The following BCL2L13 variants were observed in gnomAD, a reference collection of about 807,000 sequenced individuals.
BCL2L13 encodes BCL2 like 13, also known as bcl-2-like protein 13.
Under a neutral mutation model 25.8 loss-of-function variants are expected in BCL2L13, and 13 were observed. The observed-to-expected ratio is 0.50, with a 90% confidence interval of 0.33 to 0.80. BCL2L13 has a LOEUF of 0.80. BCL2L13 is among the 30% of genes least tolerant of loss of function. The pLI is 0.02. For synonymous variants in BCL2L13, 244 were observed against 230.3 expected (o/e 1.06, Z -0.54); for missense variants, 504 against 574.9 (o/e 0.88, Z 1.26).
chr22:17,694,241 T>C (rs1353888629), intron 4 of BCL2L13, among the ~76,000 whole-genome samples: 1 of 152,172 alleles, frequency 6.6e-6, no homozygotes, highest in East Asian at 1.9e-4. Flanking sequence ...AAACCGTGCT[T>C]TAAATAAAGT....
chr22:17,675,286 C>T (rs2059546428), intron 2 of BCL2L13, among the ~76,000 whole-genome samples: 1 of 152,098 alleles, frequency 6.6e-6, no homozygotes, highest in African/African-American at 2.4e-5. Flanking sequence ...CGCGGTGGCT[C>T]ACTCCTGTAA....
At chr22:17,706,837 A>T in intron 6 of BCL2L13, 3 of 1,351,832 alleles carry the variant, frequency 2.2e-6, no homozygotes, top group Non-Finnish European at 2.9e-6. Context: ...TAAGGCTTGT[A>T]TTTTACTTTC....
chr22:17,713,469 T>TTG (rs1198613205), intron 6 of BCL2L13, among the ~76,000 whole-genome samples: 1 of 150,668 alleles, frequency 6.6e-6, no homozygotes, highest in East Asian at 2.0e-4. Flanking sequence ...CATTTTTTTT[T>TTG]TTTTTTTTTG....
intron 6 of BCL2L13, among the ~76,000 whole-genome samples, chr22:17,723,926 C>T (rs1438702342): frequency 4.3e-5 from 6 of 140,784 alleles, no homozygotes; most frequent in Admixed American, 7.0e-5. Context: ...AGTGAGACTC[C>T]GTCTCAAAAA....
intron 2 of BCL2L13, among the ~76,000 whole-genome samples, chr22:17,667,846 A>G (rs1295104636): frequency 2.6e-5 from 4 of 151,924 alleles, no homozygotes; most frequent in African/African-American, 9.7e-5. Context: ...CCAGATTCTT[A>G]TCAGATACAT....
chr22:17,723,801 C>T (rs1240124204), intron 6 of BCL2L13, among the ~76,000 whole-genome samples: 3 of 151,868 alleles, frequency 2.0e-5, no homozygotes, highest in East Asian at 3.9e-4. Flanking sequence ...GGCATGGTGG[C>T]GTGCACCTGT....
At chr22:17,722,258 T>C (rs1313994117) in intron 6 of BCL2L13, among the ~76,000 whole-genome samples, 2 of 152,094 alleles carry the variant, frequency 1.3e-5, no homozygotes, top group Non-Finnish European at 2.9e-5. Flanking sequence ...AGACAAGATC[T>C]TGCTCTGTCA....
chr22:17,696,922 G>C (rs748624588), intron 5 of BCL2L13, among the ~76,000 whole-genome samples: 20 of 152,140 alleles, frequency 1.3e-4, no homozygotes, highest in South Asian at 2.1e-4. Flanking sequence ...AGTGCAGTGT[G>C]AGAAAGAAGG....
At chr22:17,643,524 T>TA (rs560157433) in intron 1 of BCL2L13, among the ~76,000 whole-genome samples, 3 of 152,220 alleles carry the variant, frequency 2.0e-5, no homozygotes, top group Non-Finnish European at 2.9e-5. Context: ...TTGTGGAACT[T>TA]AAAAAAAATT....
At chr22:17,713,396 T>C (rs944802710) in intron 6 of BCL2L13, among the ~76,000 whole-genome samples, 2 of 151,506 alleles carry the variant, frequency 1.3e-5, no homozygotes, top group African/African-American at 4.9e-5. Flanking sequence ...TTGTAGAATA[T>C]AGAGCCCATC....
At chr22:17,679,334 A>T (rs1309485827) in intron 2 of BCL2L13, among the ~76,000 whole-genome samples, 1 of 131,442 alleles carries the variant, frequency 7.6e-6, no homozygotes, top group Non-Finnish European at 1.5e-5. Flanking sequence ...CAATGGTGCG[A>T]TCTCTGCTCA....
intron 1 of BCL2L13, among the ~76,000 whole-genome samples, chr22:17,651,289 C>T (rs998164998): frequency 4.6e-5 from 7 of 151,906 alleles, no homozygotes; most frequent in African/African-American, 1.5e-4. Flanking sequence ...TGAGCCATGG[C>T]GCTGGGCCAT....
At chr22:17,688,575 C>T (rs977557001) in intron 3 of BCL2L13, among the ~76,000 whole-genome samples, 7 of 152,050 alleles carry the variant, frequency 4.6e-5, no homozygotes, top group Admixed American at 2.6e-4. Context: ...TTTCTTTTCT[C>T]TTAAATCTAA....
At chr22:17,726,642 ATTC>A in intron 6 of BCL2L13, 32 bp from the exon 7 acceptor site, 1 of 1,579,828 alleles carries the variant, frequency 6.3e-7, no homozygotes, top group Non-Finnish European at 8.6e-7. Context: ...AATAGTTACC[ATTC>A]TTTATTATTG....
chr22:17,700,083 G>T (rs1001144136), intron 5 of BCL2L13, among the ~76,000 whole-genome samples: 4 of 151,872 alleles, frequency 2.6e-5, no homozygotes, highest in Admixed American at 6.6e-5. Context: ...ATTACCAACC[G>T]CATAGAAAAT....
intron 2 of BCL2L13, among the ~76,000 whole-genome samples, chr22:17,671,495 C>T (rs1376486952): frequency 6.7e-6 from 1 of 149,400 alleles, no homozygotes; most frequent in Non-Finnish European, 1.5e-5. Context: ...TGAACCTGGG[C>T]AGCAGAGGTT....
rs1035306100 is a variant in BCL2L13, at chr22:17,730,130, T to G, written c.*2596T>G. The G allele has an allele frequency of 1.3e-5, 2 of 152,220 alleles. No homozygotes were observed. Among genetic ancestry groups the G allele is most frequent in the African/African-American group, 2.4e-5 (1 of 41,464 alleles). 9.4% of individuals were successfully genotyped at this position (152,220 alleles called of 1,614,324 possible). ...TCCTTAGACCTCATCTCAACTGCTC[T>G]GTTGAAGGTAATGATTTATTGGGGG... On this transcript the variant is annotated 3_prime_UTR_variant, in exon 7 of 7. Transcript: ENST00000317582.
At chr22:17,691,651 C>G (rs1316290906) in intron 4 of BCL2L13, among the ~76,000 whole-genome samples, 1 of 147,200 alleles carries the variant, frequency 6.8e-6, no homozygotes, top group Non-Finnish European at 1.5e-5. Flanking sequence ...GTCTCAAAAA[C>G]AAAAAAAAAA....
chr22:17,704,275 A>G (rs374355091), intron 6 of BCL2L13, among the ~76,000 whole-genome samples: 96 of 152,036 alleles, frequency 6.3e-4, no homozygotes, highest in African/African-American at 2.2e-3. Context: ...TAGTAGAGAT[A>G]GGGCTTCGCC....
Sources: allele counts gnomAD v4.1 joint callset (sites outside exome capture counted in the v4.1 genomes callset), GRCh38; gene constraint gnomAD v4.1.1; transcripts MANE v1.5; gene names NCBI Gene and HGNC (gene_info 2026-07-23, HGNC 2026-07-21).